SPTAN1: variants seen among roughly 807,000 people sequenced by gnomAD.
The protein encoded by SPTAN1 is spectrin alpha, non-erythrocytic 1.
Under a neutral mutation model 331.3 loss-of-function variants are expected in SPTAN1, and 61 were observed. The observed-to-expected ratio is 0.18, with a 90% CI of 0.15 to 0.23. SPTAN1 has a LOEUF of 0.23. SPTAN1 is among the 10% of genes least tolerant of loss of function. SPTAN1 has a pLI of 1.00. For synonymous variants in SPTAN1, 1,153 were observed against 1,173.9 expected (o/e 0.98, Z 0.36); for missense variants, 2,043 against 3,147.9 (o/e 0.65, Z 8.40).
At chr9:128,622,320 A>AC (rs1254306156) in intron 45 of SPTAN1, among the ~76,000 whole-genome samples, 1 of 95,420 alleles carries the variant, frequency 1.0e-5, no homozygotes, top group African/African-American at 4.4e-5. Flanking sequence ...TTTTTTTGCG[A>AC]CGGAGTTTCG....
intron 27 of SPTAN1, among the ~76,000 whole-genome samples, chr9:128,600,354 G>A (rs1854947919): frequency 1.3e-5 from 2 of 152,204 alleles, no homozygotes; most frequent in Admixed American, 1.3e-4. Flanking sequence ...TGTTGGTGCA[G>A]GATATGCTGC....
rs781381237 is a variant in SPTAN1 at position 128,612,204 on chromosome 9, C to T, written c.5001C>T (p.Asn1667=). ...QKLKEANKQQ[N]FNTGIKDFDF... is the part of the protein sequence containing the mutation. ...TGAAAGAAGCCAACAAGCAGCAGAA[C>T]TTCAACACAGGGATCAAGGACTTTG... is the stretch of plus-strand genomic sequence containing the variant. The change falls in exon 39 of 57, where the codon AAC becomes AAT. Residue 1667 remains asparagine (N), a synonymous_variant. Coordinates refer to ENST00000372739, the MANE Select transcript of SPTAN1 (RefSeq NM_001130438.3). The T allele has an allele frequency of 1.1e-5, 18 of 1,614,158 alleles. No individual in the cohort carries two copies. Among genetic ancestry groups the T allele is most frequent in the Middle Eastern group, 1.6e-4 (1 of 6,062 alleles).
intron 22 of SPTAN1, among the ~76,000 whole-genome samples, chr9:128,592,391 C>T (rs1203783743): frequency 6.6e-6 from 1 of 151,946 alleles, no homozygotes; most frequent in Non-Finnish European, 1.5e-5. Flanking sequence ...TCTCCTGCCT[C>T]AGCCTCCCAA....
At chr9:128,618,364 C>T (rs981033804) in intron 43 of SPTAN1, among the ~76,000 whole-genome samples, 2 of 152,092 alleles carry the variant, frequency 1.3e-5, no homozygotes, top group African/African-American at 2.4e-5. Context: ...ACATGAATCA[C>T]ACATGAATCA....
chr9:128,564,036 A>G (rs1379604690), intron 1 of SPTAN1, among the ~76,000 whole-genome samples: 1 of 151,912 alleles, frequency 6.6e-6, no homozygotes, highest in Non-Finnish European at 1.5e-5. Context: ...ACTTTGGAAG[A>G]CCGGAGGTGG....
At chr9:128,576,697 A>G (rs1055264787) in intron 5 of SPTAN1, 126 bp from the exon 6 acceptor site, 3 of 1,270,702 alleles carry the variant, frequency 2.4e-6, no homozygotes, top group South Asian at 1.3e-5. Flanking sequence ...CATGTTGACC[A>G]TTATTTCTTG....
At chr9:128,586,021 T>C in intron 19 of SPTAN1, 56 bp downstream of exon 19, 1 of 1,540,008 alleles carries the variant, frequency 6.5e-7, no homozygotes, top group Non-Finnish European at 9.0e-7. Context: ...GGGCTTGTAC[T>C]GAGAAGGAAG....
chr9:128,606,378 A>AAAAAAAAC (rs1442825201), intron 31 of SPTAN1, among the ~76,000 whole-genome samples: 1 of 142,618 alleles, frequency 7.0e-6, no homozygotes, highest in East Asian at 1.9e-4. Flanking sequence ...CTGCCTCAAA[A>AAAAAAAAC]AAAAAAAAAA....
intron 14 of SPTAN1, 61 bp from the exon 15 acceptor site, chr9:128,583,016 T>C (rs1204102534): frequency 1.3e-6 from 2 of 1,594,016 alleles, no homozygotes; most frequent in East Asian, 2.2e-5. Context: ...ATGAAGGTAG[T>C]GCAAGGGAAC....
chr9:128,602,305 C>T (rs1383154757), intron 27 of SPTAN1, among the ~76,000 whole-genome samples: 1 of 151,602 alleles, frequency 6.6e-6, no homozygotes, highest in Non-Finnish European at 1.5e-5. Flanking sequence ...CAACCTCTGC[C>T]TCCTGGGTTC....
Position 128,607,679 on chromosome 9 carries a change from T to C in SPTAN1, c.4122T>C (p.Ala1374=). The C allele has an allele frequency of 6.2e-7, 1 of 1,614,110 alleles. No homozygotes were observed. Among genetic ancestry groups the C allele is most frequent in the Non-Finnish European group, 8.5e-7 (1 of 1,180,024 alleles). The change falls in exon 32 of 57, where the codon GCT becomes GCC. Residue 1374 remains alanine, a synonymous_variant. Coordinates refer to ENST00000372739, the MANE Select transcript of SPTAN1 (RefSeq NM_001130438.3). The part of the protein sequence containing the change: ...SDELAKDVTG[A]EALLERHQEH... ...AGCTAGCCAAGGATGTCACCGGAGC[T>C]GAGGCATTGCTGGAGCGACACCAGG... is the stretch of plus-strand genomic sequence containing the variant.
Position 128,583,299 on chromosome 9 carries a change from G to T in SPTAN1, c.2011+18G>T. 1.2e-6 allele frequency: 2 copies of T among 1,611,872 alleles called. No individual in the cohort carries two copies. The highest frequency in any genetic ancestry group is 2.7e-5 in the African/African-American group (2 of 75,036). The stretch of plus-strand genomic sequence containing the variant: ...ACTGAAAGGTAAGAGATGTTCCATT[G>T]AATTGTGACATGCATGTTTGGGGAA... On this transcript the variant is annotated intron_variant, in intron 15 of 56. Coordinates refer to ENST00000372739, the MANE Select transcript of SPTAN1 (RefSeq NM_001130438.3).
In SPTAN1 at chr9:128,608,955, C is replaced by A; in HGVS notation, c.4573C>A (p.Arg1525=). The A allele has an allele frequency of 6.2e-7, 1 of 1,614,196 alleles. No homozygotes were observed. Among genetic ancestry groups the A allele is most frequent in the Non-Finnish European group, 8.5e-7 (1 of 1,180,028 alleles). The stretch of plus-strand genomic sequence containing the variant: ...TTATGCCAAGGGAGACATTTCTAGC[C>A]GGCGCAATGAGGTCTTGGACAGGTG... ...GHYAKGDISS[R]RNEVLDRWRR... is the part of the protein sequence containing the mutation. The change falls in exon 35 of 57, where the codon CGG becomes AGG. Residue 1525 remains arginine (R), a synonymous_variant. Transcript: ENST00000372739.
chr9:128,590,396 T>C (rs1442571523), intron 21 of SPTAN1, among the ~76,000 whole-genome samples: 4 of 152,106 alleles, frequency 2.6e-5, no homozygotes, highest in Non-Finnish European at 5.9e-5. Flanking sequence ...CTGGGTGTTT[T>C]ATTTAATTAA....
At chr9:128,578,066 GA>G in intron 8 of SPTAN1, 43 bp from the exon 9 acceptor site, 1 of 1,613,468 alleles carries the variant, frequency 6.2e-7, no homozygotes, top group South Asian at 1.1e-5. Context: ...TTCCACCCTG[GA>G]ACCTCCGCTG....
chr9:128,610,703 A>G (rs895190915), intron 37 of SPTAN1, among the ~76,000 whole-genome samples: 1 of 151,828 alleles, frequency 6.6e-6, no homozygotes, highest in Non-Finnish European at 1.5e-5. Context: ...TTCTTTATGG[A>G]TTCATAAAAA....
rs1848274685 is a variant in SPTAN1 at position 128,552,794 on chromosome 9, G to GC, written c.-4+99dup. 1 of 152,106 alleles carries GC rather than the reference G, an allele frequency of 6.6e-6. No homozygotes were observed. The highest frequency in any genetic ancestry group is 1.5e-5 in the Non-Finnish European group (1 of 68,132). 9.4% of individuals were successfully genotyped at this position (152,106 alleles called of 1,614,324 possible). A position where few individuals can be genotyped will look rare whatever the true frequency, so the allele number is the denominator to read the frequency against. On this transcript the variant is annotated intron_variant, in intron 1 of 56. Coordinates refer to ENST00000372739, the MANE Select transcript of SPTAN1 (RefSeq NM_001130438.3). The surrounding 1 kb of genome is among the most constrained non-coding windows in gnomAD (Gnocchi z 4.6). ...CAGCTCTTCAGGCGGGGCGGGGCCG[G>GC]CGCGCGGACAGGTGAGCCGGGCGGG...
chr9:128,579,977 G>C (rs1851744266), intron 10 of SPTAN1, among the ~76,000 whole-genome samples: 1 of 152,100 alleles, frequency 6.6e-6, no homozygotes, highest in Non-Finnish European at 1.5e-5. Flanking sequence ...ACTTTCTGTA[G>C]GGAGCTGAGT....
rs1851877857 is a variant in SPTAN1, at chr9:128,581,020, G to A, written c.1422G>A (p.Arg474=). The change falls in exon 11 of 57, where the codon CGG becomes CGA. Residue 474 remains arginine, a synonymous_variant. Transcript: ENST00000372739. ...GCATGGACCTGCAGCTCTTCTACCG[G>A]GACACTGAGCAGGTGGACAACTGGA... ...EQCMDLQLFY[R]DTEQVDNWMS... is the part of the protein sequence containing the mutation. The A allele has an allele frequency of 6.2e-7, 1 of 1,613,978 alleles. No individual in the cohort carries two copies. Among genetic ancestry groups the A allele is most frequent in the Non-Finnish European group, 8.5e-7 (1 of 1,180,046 alleles).
Sources: gnomAD v4.1 joint callset for allele counts (sites outside exome capture counted in the v4.1 genomes callset) on GRCh38, gnomAD v4.1.1 for gene constraint, Gnocchi (gnomAD v3.1) non-coding constraint, MANE v1.5 for transcripts, NCBI Gene and HGNC (gene_info 2026-07-23, HGNC 2026-07-21) for gene names.